KCNH5: variants seen among roughly 807,000 people sequenced by gnomAD.
The protein encoded by KCNH5 is potassium voltage-gated channel subfamily H member 5, also known as voltage-gated delayed rectifier potassium channel KCNH5.
A neutral mutation model predicts 96.1 loss-of-function variants in KCNH5; 46 were observed. That is an observed-to-expected ratio of 0.48 (90% CI 0.38 to 0.61). KCNH5 has a LOEUF of 0.61. Ranked by LOEUF, KCNH5 falls within the 20% of genes least tolerant of loss-of-function variation. The pLI, the probability that KCNH5 is intolerant of heterozygous loss-of-function variation, is 0.00. For missense variants in KCNH5, 907 were observed against 1,225.8 expected (o/e 0.74, Z 3.88); for synonymous variants, 439 against 449.8 (o/e 0.98, Z 0.30).
At chr14:62,786,704 C>A (rs1886327299) in intron 9 of KCNH5, among the ~76,000 whole-genome samples, 1 of 152,122 alleles carries the variant, frequency 6.6e-6, no homozygotes, top group Non-Finnish European at 1.5e-5. Flanking sequence ...ATATTTCTAA[C>A]AGCATGTGAT....
chr14:62,823,201 C>T (rs1424189184), intron 8 of KCNH5, among the ~76,000 whole-genome samples: 1 of 152,126 alleles, frequency 6.6e-6, no homozygotes, highest in Non-Finnish European at 1.5e-5. Context: ...CCACCTGTCC[C>T]TTGTTCCAAC....
In KCNH5 at chr14:62,708,259, C is replaced by A. The variant is rs1483154649; in HGVS notation, c.2216G>T (p.Arg739Leu). ...PERNQLQVES[R>L]SLQNGASITG... The stretch of plus-strand genomic sequence containing the variant: ...GATGGAGGCTCCATTCTGTAAGGAG[C>A]GGCTCTCTACCTGGAGTTGGTTCCT... Residue 739 changes from arginine (R) to leucine (L), a missense_variant, in exon 11 of 11, where the codon CGC (arginine) becomes CTC (leucine). Arg to Leu is a moderately radical substitution (Grantham distance 102). Transcript: ENST00000322893. The A allele has an allele frequency of 1.9e-6, 3 of 1,614,142 alleles. No individual in the cohort carries two copies. Among genetic ancestry groups the A allele is most frequent in the Non-Finnish European group, 2.5e-6 (3 of 1,180,018 alleles).
chr14:62,833,450 T>A (rs1887400916), intron 8 of KCNH5, among the ~76,000 whole-genome samples: 1 of 152,118 alleles, frequency 6.6e-6, no homozygotes, highest in Non-Finnish European at 1.5e-5. Flanking sequence ...GTTGACCGTA[T>A]GTGCATGGGT....
intron 8 of KCNH5, among the ~76,000 whole-genome samples, chr14:62,845,317 A>G (rs1221075153): frequency 6.6e-6 from 1 of 152,208 alleles, no homozygotes; most frequent in African/African-American, 2.4e-5. Context: ...TAAGGAATTT[A>G]TATTATTACT....
chr14:63,017,561 TA>T (rs1204822132), intron 1 of KCNH5, among the ~76,000 whole-genome samples: 1 of 151,838 alleles, frequency 6.6e-6, no homozygotes, highest in Non-Finnish European at 1.5e-5. Context: ...ATAAAAGAGA[TA>T]TTTTTGTTCT....
rs376948874 is a variant in KCNH5, at chr14:62,801,634, A to G, written c.1822+695T>C. On this transcript the variant is annotated intron_variant, in intron 9 of 10. Coordinates refer to ENST00000322893, the MANE Select transcript of KCNH5 (RefSeq NM_139318.5). ...GTGGTTGTGGTTAGTACAACTATCT[A>G]CTGAATTCTAAATTCTAAAATGCTC... Among the ~76,000 whole-genome samples the G allele has an allele frequency of 7.3e-5, 11 of 150,728 alleles. No homozygotes were observed. In the East Asian group the frequency reaches 2.0e-3, roughly 27 times the overall value.
At position 62,849,671 on chromosome 14, in the gene KCNH5, T is replaced by C. The variant is rs752625100; in HGVS notation, c.1551A>G (p.Lys517=). The C allele has an allele frequency of 6.2e-7, 1 of 1,613,530 alleles. No homozygotes were observed. The highest frequency in any genetic ancestry group is 8.5e-7 in the Non-Finnish European group (1 of 1,179,606). ...DYIVSTWSMS[K]GIDTEKVLSI... ...CCCATACCTTTTCTGTATCAATGCC[T>C]TTTGACATGGACCATGTTGAGACAA... Residue 517 remains lysine, a synonymous_variant, in exon 8 of 11, where the codon AAA becomes AAG. Coordinates refer to ENST00000322893, the MANE Select transcript of KCNH5 (RefSeq NM_139318.5).
chr14:62,840,545 T>TTTTTC (rs1259744138), intron 8 of KCNH5, among the ~76,000 whole-genome samples: 2 of 141,824 alleles, frequency 1.4e-5, no homozygotes, highest in Admixed American at 1.5e-4. Flanking sequence ...TTTTGTTTTG[T>TTTTTC]TTTTCTTTTT....
chr14:63,026,444 A>G (rs1199781258), intron 1 of KCNH5, among the ~76,000 whole-genome samples: 2 of 152,066 alleles, frequency 1.3e-5, no homozygotes, highest in African/African-American at 2.4e-5. Flanking sequence ...GTAATAAAAT[A>G]TATCTACAAA....
At chr14:62,745,645 G>T (rs1228432499) in intron 10 of KCNH5, among the ~76,000 whole-genome samples, 1 of 152,140 alleles carries the variant, frequency 6.6e-6, no homozygotes, top group Non-Finnish European at 1.5e-5. Flanking sequence ...GACCTCTCTG[G>T]TTGGTGAGGT....
At chr14:62,993,192 G>C (rs947302305) in intron 4 of KCNH5, among the ~76,000 whole-genome samples, 5 of 152,042 alleles carry the variant, frequency 3.3e-5, no homozygotes, top group African/African-American at 1.2e-4. Context: ...TCTTATACCA[G>C]TACTGTGCTG....
rs527450628 is a variant in KCNH5, at chr14:62,796,015, G to A, written c.1822+6314C>T. Among the ~76,000 whole-genome samples, 16 of 152,184 alleles carry A rather than the reference G, an allele frequency of 1.1e-4. No homozygotes were observed. In the East Asian group the frequency reaches 1.9e-3, roughly 18 times the overall value. On this transcript the variant is annotated intron_variant, in intron 9 of 10. Coordinates refer to ENST00000322893, the MANE Select transcript of KCNH5 (RefSeq NM_139318.5). ...CAGGAAACTTCCTGCAATTCAGTACGGTGAGAATAGGGTAGGGATAGACAA... is the reference window on the plus strand; with the variant it reads ...CAGGAAACTTCCTGCAATTCAGTACAGTGAGAATAGGGTAGGGATAGACAA...
intron 7 of KCNH5, among the ~76,000 whole-genome samples, chr14:62,945,054 T>A (rs1474444348): frequency 6.6e-6 from 1 of 152,146 alleles, no homozygotes; most frequent in Non-Finnish European, 1.5e-5. Flanking sequence ...GAAATTTAGA[T>A]CTAGCAAGTA....
At chr14:62,726,777 C>T (rs539048742) in intron 10 of KCNH5, among the ~76,000 whole-genome samples, 3 of 152,138 alleles carry the variant, frequency 2.0e-5, no homozygotes, top group East Asian at 1.9e-4. Context: ...AGGTTGTACA[C>T]ATGTAGATAA....
intron 7 of KCNH5, among the ~76,000 whole-genome samples, chr14:62,879,239 TG>T (rs2140074415): frequency 6.6e-6 from 1 of 152,286 alleles, no homozygotes. Context: ...ACAGAGCAAC[TG>T]GAACTCTCAT....
chr14:62,830,887 C>T (rs1285879338), intron 8 of KCNH5, among the ~76,000 whole-genome samples: 1 of 152,108 alleles, frequency 6.6e-6, no homozygotes, highest in Admixed American at 6.6e-5. Context: ...CTTCTGATAT[C>T]CTGTTCATTA....
chr14:62,818,103 T>TG (rs71120236), intron 8 of KCNH5, among the ~76,000 whole-genome samples: 217 of 39,760 alleles, frequency 5.5e-3, no homozygotes, highest in Middle Eastern at 0.014. Flanking sequence ...TACCAGGAGC[T>TG]GGGGGCGGGG....
chr14:62,801,140 C>T (rs1886650826), intron 9 of KCNH5, among the ~76,000 whole-genome samples: 1 of 152,018 alleles, frequency 6.6e-6, no homozygotes, highest in African/African-American at 2.4e-5. Flanking sequence ...AGTAATGGTG[C>T]TTTTTGAAGT....
chr14:62,948,783 C>T (rs1258226585), intron 7 of KCNH5, among the ~76,000 whole-genome samples: 3 of 147,366 alleles, frequency 2.0e-5, no homozygotes, highest in Non-Finnish European at 4.5e-5. Flanking sequence ...AAACCGAATC[C>T]AGCAGCACAT....
Sources: allele counts gnomAD v4.1 joint callset (sites outside exome capture counted in the v4.1 genomes callset), GRCh38; gene constraint gnomAD v4.1.1; transcripts MANE v1.5; gene names NCBI Gene and HGNC (gene_info 2026-07-23, HGNC 2026-07-21).